Variants in LTBP1 observed in about 807,000 individuals in gnomAD.
The protein encoded by LTBP1 is latent transforming growth factor beta binding protein 1, also known as latent-transforming growth factor beta-binding protein 1.
In LTBP1, 129 loss-of-function variants were observed where a neutral mutation model predicts 207.6. The observed-to-expected ratio is 0.62, with a 90% CI of 0.54 to 0.72. The LOEUF (loss-of-function observed/expected upper bound fraction) is 0.72, where lower values mean the gene tolerates loss of function less well. Ranked by LOEUF, LTBP1 falls within the 30% of genes least tolerant of loss-of-function variation. The probability of loss-of-function intolerance (pLI) is 0.00; values close to 1 mark genes in which losing one functional copy is unlikely to be tolerated. For synonymous variants in LTBP1, 963 were observed against 833.7 expected, an observed-to-expected ratio of 1.16 and a Z score of -2.67; for missense variants, 2,281 against 2,217.2, an observed-to-expected ratio of 1.03 and a Z score of -0.58.
intron 3 of LTBP1, among the ~76,000 whole-genome samples, chr2:33,100,097 A>G (rs1180301581): frequency 5.3e-5 from 8 of 152,306 alleles, no homozygotes; most frequent in Non-Finnish European, 1.0e-4. Context: ...AGGTAAGTGG[A>G]TAAAGGTTAT....
At chr2:33,157,312 C>G (rs2147997690) in intron 5 of LTBP1, among the ~76,000 whole-genome samples, 1 of 152,252 alleles carries the variant, frequency 6.6e-6, no homozygotes, top group South Asian at 2.1e-4. Flanking sequence ...GAAGGAAAAC[C>G]TCATTTCAGT....
chr2:33,341,294 G>C (rs1412779054), intron 24 of LTBP1, among the ~76,000 whole-genome samples: 1 of 152,154 alleles, frequency 6.6e-6, no homozygotes, highest in Non-Finnish European at 1.5e-5. Flanking sequence ...AGATGTTGGA[G>C]AAGGATGAGC....
At chr2:33,380,792 C>G (rs2095204630) in intron 31 of LTBP1, among the ~76,000 whole-genome samples, 1 of 152,072 alleles carries the variant, frequency 6.6e-6, no homozygotes, top group Non-Finnish European at 1.5e-5. Context: ...CTAAAGTGAA[C>G]AATTTAGTGG....
At chr2:33,352,943 A>G (rs10198960) in intron 26 of LTBP1, among the ~76,000 whole-genome samples, 39,003 of 145,974 alleles carry the variant, frequency 0.27, 5,478 homozygotes, top group African/African-American at 0.36. Flanking sequence ...TCTTCTGCCT[A>G]CTGTGCCCTC....
At chr2:33,112,546 A>T (rs1207468721) in intron 4 of LTBP1, among the ~76,000 whole-genome samples, 1 of 152,236 alleles carries the variant, frequency 6.6e-6, no homozygotes, top group Non-Finnish European at 1.5e-5. Flanking sequence ...GTTCAGAAAG[A>T]AGCTCAGGAA....
At chr2:33,172,345 G>A (rs1309735052) in intron 5 of LTBP1, among the ~76,000 whole-genome samples, 2 of 151,978 alleles carry the variant, frequency 1.3e-5, no homozygotes, top group Non-Finnish European at 2.9e-5. Context: ...AAAGGCAGGG[G>A]TTGCAATCCT....
chr2:32,985,333 C>T (rs1047871338), intron 2 of LTBP1, among the ~76,000 whole-genome samples: 3 of 152,098 alleles, frequency 2.0e-5, no homozygotes, highest in African/African-American at 4.8e-5. Context: ...TTCAGGTAAT[C>T]GCTACAGTAA....
In LTBP1 at chr2:33,110,618, C is replaced by A; in HGVS notation, c.900C>A (p.His300Gln). 6.2e-7 allele frequency: 1 copy of A among 1,614,128 alleles called. No homozygotes were observed. The highest frequency in any genetic ancestry group is 1.7e-4 in the Middle Eastern group (1 of 6,060). ...TTTCTTCCCAGAGTGTGGTGATTCA[C>A]CATGGCCAGACCCAGGAATACGTGC... ...TPLSSQSVVI[H>Q]HGQTQEYVLK... The change falls in exon 4 of 34, where the codon CAC (histidine) becomes CAA (glutamine). Residue 300 changes from histidine (H) to glutamine (Q), a missense_variant. This residue lies in a region of LTBP1 where 555 missense variants were observed against 491.0 expected (regional missense o/e 1.13). Coordinates refer to ENST00000404816, the MANE Select transcript of LTBP1 (RefSeq NM_206943.4).
At chr2:33,175,321 AC>A (rs1019780181) in intron 5 of LTBP1, among the ~76,000 whole-genome samples, 4 of 152,006 alleles carry the variant, frequency 2.6e-5, no homozygotes, top group African/African-American at 9.7e-5. Flanking sequence ...GAAAAAAACA[AC>A]CCCATCAAAA....
chr2:33,078,862 C>CT lies in LTBP1; in HGVS notation c.864-31705dup, dbSNP rs34843933. 2.1e-3 allele frequency among the ~76,000 whole-genome samples: 223 copies of CT among 106,876 alleles called. 5 individuals carry two copies. The highest frequency in any genetic ancestry group is 0.011 in the South Asian group (31 of 2,764). 70.1% of individuals were successfully genotyped at this position (106,876 alleles called of 152,430 possible). ...CTTCTGTTTTCTTTTCTTTTCTTTT[C>CT]TTTTTTTTTTTTTTTGAGACAGAGT... On this transcript the variant is annotated intron_variant, in intron 3 of 33. Transcript: ENST00000404816.
At chr2:33,168,208 A>T (rs992687172) in intron 5 of LTBP1, among the ~76,000 whole-genome samples, 3 of 151,922 alleles carry the variant, frequency 2.0e-5, no homozygotes, top group Admixed American at 2.0e-4. Context: ...AGTGTGACAC[A>T]TCTCTACAAA....
intron 3 of LTBP1, among the ~76,000 whole-genome samples, chr2:33,048,246 G>T (rs1304802911): frequency 6.6e-6 from 1 of 152,158 alleles, no homozygotes; most frequent in Non-Finnish European, 1.5e-5. Context: ...TTAGTACAAG[G>T]AGCTGTGTGA....
rs1325626641 is a variant in LTBP1, at chr2:33,262,715, C to A, written c.2419-7C>A. On this transcript the variant is annotated splice_polypyrimidine_tract_variant and splice_region_variant and intron_variant, in intron 13 of 33. Coordinates refer to ENST00000404816, the MANE Select transcript of LTBP1 (RefSeq NM_206943.4). ...TTCTTATTCTCTTTTAAAATACAAC[C>A]ATCCAGGAAATACCTTCATTGGATC... 3.4e-6 allele frequency: 5 copies of A among 1,478,724 alleles called. No homozygotes were observed. Among genetic ancestry groups the A allele is most frequent in the Non-Finnish European group, 3.7e-6 (4 of 1,072,956 alleles). 91.6% of individuals were successfully genotyped at this position (1,478,724 alleles called of 1,614,324 possible).
intron 22 of LTBP1, among the ~76,000 whole-genome samples, chr2:33,305,190 G>A (rs1573735862): frequency 1.3e-5 from 2 of 152,112 alleles, no homozygotes; most frequent in Non-Finnish European, 1.5e-5. Context: ...TGGGTGTGGC[G>A]GCGTGTGCCT....
At chr2:33,397,579 C>CT (rs1318466294) in intron 33 of LTBP1, among the ~76,000 whole-genome samples, 5 of 130,366 alleles carry the variant, frequency 3.8e-5, no homozygotes, top group African/African-American at 1.5e-4. Flanking sequence ...GTGATCTTGA[C>CT]TCACTGCAAC....
intron 19 of LTBP1, among the ~76,000 whole-genome samples, chr2:33,282,080 T>C (rs1234306491): frequency 1.3e-5 from 2 of 149,406 alleles, no homozygotes; most frequent in African/African-American, 4.9e-5. Context: ...TATATATATA[T>C]ATATATATAA....
chr2:33,361,798 T>C (rs967981606), intron 28 of LTBP1, among the ~76,000 whole-genome samples: 24 of 152,210 alleles, frequency 1.6e-4, no homozygotes, highest in Non-Finnish European at 3.1e-4. Flanking sequence ...TTAAGATATA[T>C]ATCTGAAAGT....
At chr2:33,272,978 A>G (rs556240068) in intron 15 of LTBP1, among the ~76,000 whole-genome samples, 11 of 152,302 alleles carry the variant, frequency 7.2e-5, no homozygotes, top group Non-Finnish European at 1.6e-4. Flanking sequence ...CAGGATATAT[A>G]GAAGAAGCCA....
intron 24 of LTBP1, among the ~76,000 whole-genome samples, chr2:33,323,811 C>T (rs574212780): frequency 6.6e-6 from 1 of 152,178 alleles, no homozygotes; most frequent in African/African-American, 2.4e-5. Context: ...ATGTGATGTA[C>T]ACTTCTGTGA....
Sources: allele counts gnomAD v4.1 joint callset (sites outside exome capture counted in the v4.1 genomes callset), GRCh38; gene constraint gnomAD v4.1.1; regional missense constraint gnomAD v4.1.1; transcripts MANE v1.5; gene names NCBI Gene and HGNC (gene_info 2026-07-23, HGNC 2026-07-21).